MAGI2: variants seen among roughly 807,000 people sequenced by gnomAD.
MAGI2 encodes the protein membrane associated guanylate kinase, WW and PDZ domain containing 2.
In MAGI2, 35 loss-of-function variants were observed where a neutral mutation model predicts 133.3. The observed-to-expected ratio is 0.26, with a 90% CI of 0.20 to 0.35. The LOEUF is 0.35. MAGI2 is among the 10% of genes least tolerant of loss of function. MAGI2 has a pLI of 1.00. For synonymous variants in MAGI2, 729 were observed against 710.6 expected, an observed-to-expected ratio of 1.03 and a Z score of -0.41; for missense variants, 1,636 against 1,863.4, an observed-to-expected ratio of 0.88 and a Z score of 2.25.
chr7:78,349,314 T>G (rs756487006), intron 7 of MAGI2, among the ~76,000 whole-genome samples: 5 of 152,196 alleles, frequency 3.3e-5, no homozygotes, highest in African/African-American at 9.6e-5. Flanking sequence ...TGTCAATAAC[T>G]TTAAGAAACC....
chr7:79,053,554 T>A (rs1055700895), intron 1 of MAGI2, among the ~76,000 whole-genome samples: 2 of 152,160 alleles, frequency 1.3e-5, no homozygotes, highest in African/African-American at 2.4e-5. Flanking sequence ...ATCCCATTTT[T>A]AAAAATAAGT....
In MAGI2 at chr7:79,276,298, T is replaced by C. The variant is rs147459677; in HGVS notation, c.301+176722A>G. On this transcript the variant is annotated intron_variant, in intron 1 of 21. Transcript: ENST00000354212. ...GACTTTGAGGAGTTCAAGAATTCAG[T>C]ATAGGAAGTCACTGCTTATGTAGTA... 5.8e-4 allele frequency among the ~76,000 whole-genome samples: 89 copies of C among 152,234 alleles called. 1 individual carries two copies. Among genetic ancestry groups the C allele is most frequent in the African/African-American group, 2.0e-3 (81 of 41,528 alleles).
At chr7:79,031,777 A>G (rs1233273145) in intron 1 of MAGI2, among the ~76,000 whole-genome samples, 1 of 152,174 alleles carries the variant, frequency 6.6e-6, no homozygotes, top group East Asian at 1.9e-4. Flanking sequence ...TTTGTTTTGT[A>G]AAAAAAGTTT....
At chr7:79,285,121 C>T (rs1835908754) in intron 1 of MAGI2, among the ~76,000 whole-genome samples, 1 of 152,080 alleles carries the variant, frequency 6.6e-6, no homozygotes, top group East Asian at 1.9e-4. Context: ...AATTACACTC[C>T]ATCTAAAATA....
At chr7:78,894,079 A>G (rs989293188) in intron 2 of MAGI2, among the ~76,000 whole-genome samples, 1 of 152,222 alleles carries the variant, frequency 6.6e-6, no homozygotes, top group African/African-American at 2.4e-5. Context: ...AAGTTGTAGG[A>G]AAAGAAAGTA....
chr7:78,291,722 AGCTTCTCCACCATGATCAAGTGG>A (rs902483898), intron 9 of MAGI2, among the ~76,000 whole-genome samples: 2 of 152,218 alleles, frequency 1.3e-5, no homozygotes, highest in African/African-American at 2.4e-5. Context: ...CACATCAAGA[AGCTTCTCCACCATGATCAAGTGG>A]GCTTCATCCC....
chr7:79,347,031 A>G (rs17152334), intron 1 of MAGI2, among the ~76,000 whole-genome samples: 46,999 of 151,684 alleles, frequency 0.31, 7,568 homozygotes, highest in Admixed American at 0.38. Context: ...CTTTATTCGC[A>G]GCCATGATCC....
intron 20 of MAGI2, among the ~76,000 whole-genome samples, chr7:78,083,387 G>GAGA (rs1816229048): frequency 1.5e-4 from 5 of 33,310 alleles, no homozygotes; most frequent in African/African-American, 6.4e-4. Context: ...AGGGAGGGGG[G>GAGA]GAGAGAGAGA....
chr7:78,369,443 A>AGATACTCTGCAGATACACAT (rs1793707375), intron 6 of MAGI2, among the ~76,000 whole-genome samples: 1 of 152,078 alleles, frequency 6.6e-6, no homozygotes, highest in Non-Finnish European at 1.5e-5. Flanking sequence ...TGCTCGGTCT[A>AGATACTCTGCAGATACACAT]GCCATTTGTC....
At chr7:78,487,844 C>T (rs1320076531) in intron 6 of MAGI2, among the ~76,000 whole-genome samples, 3 of 151,974 alleles carry the variant, frequency 2.0e-5, no homozygotes, top group South Asian at 2.1e-4. Context: ...TTGTCTGAGC[C>T]GAAGTGTGGC....
At chr7:78,800,461 C>G (rs1787970924) in intron 2 of MAGI2, among the ~76,000 whole-genome samples, 1 of 151,996 alleles carries the variant, frequency 6.6e-6, no homozygotes, top group Admixed American at 6.6e-5. Flanking sequence ...TTTCAGCTCA[C>G]AATCAATTAT....
intron 6 of MAGI2, among the ~76,000 whole-genome samples, chr7:78,413,753 T>C (rs1056833540): frequency 2.6e-5 from 4 of 151,880 alleles, no homozygotes; most frequent in Admixed American, 1.3e-4. Flanking sequence ...GTATTGGACA[T>C]GGGGTCAATC....
At chr7:78,592,828 CTTTTTTTTTTTTTT>C (rs10675572) in intron 3 of MAGI2, among the ~76,000 whole-genome samples, 2 of 106,874 alleles carry the variant, frequency 1.9e-5, no homozygotes, top group Non-Finnish European at 3.5e-5. Context: ...TACTGATTCT[CTTTTTTTTTTTTTT>C]TTTTTTTTTT....
chr7:78,995,465 GATTA>G (rs1333803587), intron 2 of MAGI2, among the ~76,000 whole-genome samples: 1 of 152,038 alleles, frequency 6.6e-6, no homozygotes, highest in African/African-American at 2.4e-5. Flanking sequence ...GAACCTGATT[GATTA>G]GTGACCAATC....
intron 3 of MAGI2, among the ~76,000 whole-genome samples, chr7:78,622,891 CA>C (rs1445751490): frequency 6.6e-6 from 1 of 151,966 alleles, no homozygotes; most frequent in Non-Finnish European, 1.5e-5. Flanking sequence ...AAGTCAGCCT[CA>C]CTCTCCAATA....
At chr7:78,258,695 A>C (rs2150957616) in intron 9 of MAGI2, among the ~76,000 whole-genome samples, 1 of 152,294 alleles carries the variant, frequency 6.6e-6, no homozygotes, top group African/African-American at 2.4e-5. Context: ...TAAATGGTAT[A>C]TATTTTAATA....
intron 1 of MAGI2, among the ~76,000 whole-genome samples, chr7:79,147,507 A>T (rs1240988229): frequency 6.6e-6 from 1 of 152,164 alleles, no homozygotes; most frequent in African/African-American, 2.4e-5. Flanking sequence ...CTTCAACTCC[A>T]AAGAGCACCT....
intron 2 of MAGI2, among the ~76,000 whole-genome samples, chr7:78,959,421 A>T (rs1244570811): frequency 6.6e-6 from 1 of 152,152 alleles, no homozygotes; most frequent in Non-Finnish European, 1.5e-5. Context: ...CCCCATAGAA[A>T]TGTAAAATGC....
intron 1 of MAGI2, among the ~76,000 whole-genome samples, chr7:79,388,099 G>A (rs903151136): frequency 1.3e-5 from 2 of 151,836 alleles, no homozygotes; most frequent in Non-Finnish European, 2.9e-5. Context: ...ATCTAGCCTA[G>A]TTTCATTTTC....
Sources: allele counts gnomAD v4.1 joint callset (sites outside exome capture counted in the v4.1 genomes callset), GRCh38; gene constraint gnomAD v4.1.1; transcripts MANE v1.5; gene names NCBI Gene and HGNC (gene_info 2026-07-23, HGNC 2026-07-21).